Variants in CDH13 observed in about 807,000 individuals in gnomAD.
The protein encoded by CDH13 is cadherin 13.
In CDH13, 24 loss-of-function variants were observed where a neutral mutation model predicts 63.8. The ratio of observed to expected loss-of-function variants is 0.38; its 90% CI spans 0.27 to 0.53. CDH13 has a LOEUF of 0.53. Among genes scored for constraint, CDH13 ranks in the 20% least tolerant of loss-of-function variants. The probability of loss-of-function intolerance (pLI) is 0.85; values close to 1 mark genes in which losing one functional copy is unlikely to be tolerated. For synonymous variants in CDH13, 503 were observed against 355.3 expected (o/e 1.42, Z -4.67); for missense variants, 1,049 against 903.1 (o/e 1.16, Z -2.07).
chr16:83,077,832 G>A (rs59803802), intron 3 of CDH13, among the ~76,000 whole-genome samples: 7,807 of 152,274 alleles, frequency 0.051, 254 homozygotes, highest in Non-Finnish European at 0.066. Flanking sequence ...ACGCGTGAGA[G>A]CAGTGACGGC....
chr16:83,652,865 C>T (rs564852060), intron 8 of CDH13, among the ~76,000 whole-genome samples: 14 of 152,328 alleles, frequency 9.2e-5, no homozygotes, highest in Middle Eastern at 3.4e-3. Context: ...TTCACAGCAG[C>T]ATTATTCCCC....
chr16:83,089,703 G>T (rs1223497179), intron 3 of CDH13, among the ~76,000 whole-genome samples: 1 of 152,190 alleles, frequency 6.6e-6, no homozygotes, highest in African/African-American at 2.4e-5. Flanking sequence ...ATGTTTATTT[G>T]CCATGGACTT....
chr16:83,022,034 C>T (rs1915392859), intron 2 of CDH13, among the ~76,000 whole-genome samples: 1 of 152,136 alleles, frequency 6.6e-6, no homozygotes. Flanking sequence ...CTTCCTGTTT[C>T]TTCCATTTGG....
chr16:82,669,771 C>T (rs193109768), intron 1 of CDH13, among the ~76,000 whole-genome samples: 28 of 152,326 alleles, frequency 1.8e-4, no homozygotes, highest in Admixed American at 1.4e-3. Flanking sequence ...CCAGTTATCA[C>T]CCTCTCCAGT....
chr16:82,875,554 A>G (rs1210332402), intron 2 of CDH13, among the ~76,000 whole-genome samples: 1 of 152,192 alleles, frequency 6.6e-6, no homozygotes, highest in African/African-American at 2.4e-5. Flanking sequence ...GTGAATGACG[A>G]TATTTGTTTC....
intron 7 of CDH13, among the ~76,000 whole-genome samples, chr16:83,499,037 T>C (rs1006656389): frequency 1.3e-5 from 2 of 152,188 alleles, no homozygotes. Context: ...TGTTTTTTGA[T>C]GCAGAAGTTT....
intron 3 of CDH13, among the ~76,000 whole-genome samples, chr16:83,123,630 A>C (rs1046219958): frequency 2.0e-5 from 3 of 152,018 alleles, no homozygotes; most frequent in African/African-American, 7.3e-5. Context: ...GGTTCATTCC[A>C]TGTCTTTGCT....
intron 6 of CDH13, 97 bp from the exon 7 acceptor site, chr16:83,486,380 C>A: frequency 1.1e-6 from 1 of 905,134 alleles, no homozygotes; most frequent in Non-Finnish European, 1.6e-6. Context: ...AAGTGATGGG[C>A]ACACTGCTGC....
chr16:83,310,917 A>T (rs1364675388), intron 5 of CDH13, among the ~76,000 whole-genome samples: 4 of 152,250 alleles, frequency 2.6e-5, no homozygotes, highest in African/African-American at 4.8e-5. Context: ...GTCAGATCAC[A>T]TGGCTGTTTT....
At chr16:82,692,852 C>G (rs1012929603) in intron 1 of CDH13, among the ~76,000 whole-genome samples, 1 of 152,140 alleles carries the variant, frequency 6.6e-6, no homozygotes, top group Non-Finnish European at 1.5e-5. Flanking sequence ...TAAGTGACCC[C>G]GGTGATCCTC....
At chr16:82,764,929 C>T (rs1377034472) in intron 1 of CDH13, among the ~76,000 whole-genome samples, 2 of 151,918 alleles carry the variant, frequency 1.3e-5, no homozygotes, top group Non-Finnish European at 2.9e-5. Context: ...ATTCTCCTGC[C>T]TCAGCCTCCC....
At chr16:83,465,971 C>T (rs1197388870) in intron 6 of CDH13, among the ~76,000 whole-genome samples, 1 of 152,188 alleles carries the variant, frequency 6.6e-6, no homozygotes, top group Non-Finnish European at 1.5e-5. Flanking sequence ...GTTTTCCTTC[C>T]TCTACAGGGA....
At chr16:82,896,496 A>AT (rs1319414894) in intron 2 of CDH13, among the ~76,000 whole-genome samples, 1 of 151,120 alleles carries the variant, frequency 6.6e-6, no homozygotes, top group African/African-American at 2.4e-5. Context: ...GGGTTTTGCC[A>AT]TGTTGTTCAG....
chr16:82,798,255 T>C (rs2036684176), intron 1 of CDH13, among the ~76,000 whole-genome samples: 2 of 152,186 alleles, frequency 1.3e-5, no homozygotes, highest in African/African-American at 2.4e-5. Flanking sequence ...AGAAAACAAG[T>C]ACATCAAAGC....
intron 6 of CDH13, chr16:83,397,379 C>T (rs377762929): frequency 3.7e-4 from 57 of 152,140 alleles, no homozygotes; most frequent in African/African-American, 1.2e-3. Context: ...TCTGAAGATA[C>T]CCTCAGATGC....
At chr16:82,926,333 C>T (rs1301462407) in intron 2 of CDH13, among the ~76,000 whole-genome samples, 2 of 151,828 alleles carry the variant, frequency 1.3e-5, no homozygotes, top group Non-Finnish European at 2.9e-5. Context: ...TTTTGCAGAT[C>T]TCTTGCATGA....
chr16:83,126,410 C>G (rs937393962), intron 4 of CDH13, among the ~76,000 whole-genome samples: 1 of 152,124 alleles, frequency 6.6e-6, no homozygotes, highest in African/African-American at 2.4e-5. Context: ...AAGGGAGAGG[C>G]TGTCTGTTAT....
intron 3 of CDH13, among the ~76,000 whole-genome samples, chr16:83,032,470 G>A (rs1033404629): frequency 3.3e-5 from 5 of 152,104 alleles, no homozygotes; most frequent in Admixed American, 2.0e-4. Context: ...GCCTTCAGGC[G>A]TGGCTGAAGC....
At chr16:82,964,844 C>G (rs532528544) in intron 2 of CDH13, among the ~76,000 whole-genome samples, 2 of 152,028 alleles carry the variant, frequency 1.3e-5, no homozygotes, top group East Asian at 3.9e-4. Flanking sequence ...TTTTTTTCTT[C>G]CTTGTTGCTG....
Sources: gnomAD v4.1 joint callset for allele counts (sites outside exome capture counted in the v4.1 genomes callset) on GRCh38, gnomAD v4.1.1 for gene constraint, MANE v1.5 for transcripts, NCBI Gene and HGNC (gene_info 2026-07-23, HGNC 2026-07-21) for gene names.